HS6ST3: variants seen among roughly 807,000 people sequenced by gnomAD.
HS6ST3 encodes heparan sulfate 6-O-sulfotransferase 3.
HS6ST3 carries 12 observed loss-of-function variants against 36.7 expected under a neutral mutation model. The observed-to-expected ratio is 0.33, with a 90% CI of 0.21 to 0.53. The LOEUF (loss-of-function observed/expected upper bound fraction) is 0.53, where lower values mean the gene tolerates loss of function less well. HS6ST3 is among the 20% of genes least tolerant of loss of function. The pLI, the probability that HS6ST3 is intolerant of heterozygous loss-of-function variation, is 0.95. For missense variants in HS6ST3, 584 were observed against 640.9 expected, an observed-to-expected ratio of 0.91 and a Z score of 0.96; for synonymous variants, 240 against 257.5, an observed-to-expected ratio of 0.93 and a Z score of 0.65.
At chr13:96,730,204 A>G (rs927648487) in intron 1 of HS6ST3, among the ~76,000 whole-genome samples, 3 of 152,208 alleles carry the variant, frequency 2.0e-5, no homozygotes, top group Non-Finnish European at 4.4e-5. Flanking sequence ...GTTGTGGCTC[A>G]AACTGAATCT....
intron 1 of HS6ST3, among the ~76,000 whole-genome samples, chr13:96,360,945 C>CAAA (rs1555300657): frequency 3.8e-5 from 5 of 130,860 alleles, no homozygotes; most frequent in African/African-American, 8.7e-5. Flanking sequence ...GACCCTGTCC[C>CAAA]AAAAAAAAAA....
chr13:96,108,757 T>TA (rs992594518), intron 1 of HS6ST3, among the ~76,000 whole-genome samples: 1 of 151,846 alleles, frequency 6.6e-6, no homozygotes, highest in Non-Finnish European at 1.5e-5. Context: ...GAGCAGAAAA[T>TA]AAAAAATAGG....
In HS6ST3 at chr13:96,414,524, C is replaced by T. The variant is rs117077918; in HGVS notation, c.707+322955C>T. Reference sequence around the variant, plus strand: ...TGTGACAGAGTTTTGCTCTTGTTACCTAGGCTGGAGTGCAGTGGTGTGATC... The same window carrying T: ...TGTGACAGAGTTTTGCTCTTGTTACTTAGGCTGGAGTGCAGTGGTGTGATC... On this transcript the variant is annotated intron_variant, in intron 1 of 1. Transcript: ENST00000376705. 8.0e-3 allele frequency among the ~76,000 whole-genome samples: 1,222 copies of T among 152,226 alleles called. 7 individuals carry two copies. The highest frequency in any genetic ancestry group is 0.013 in the Non-Finnish European group (903 of 68,018).
At chr13:96,529,551 T>C (rs1370664514) in intron 1 of HS6ST3, among the ~76,000 whole-genome samples, 2 of 152,214 alleles carry the variant, frequency 1.3e-5, no homozygotes, top group South Asian at 4.1e-4. Context: ...ATTGCAACCA[T>C]AGTTATCTTA....
At chr13:96,372,632 C>T (rs2055295327) in intron 1 of HS6ST3, among the ~76,000 whole-genome samples, 1 of 152,036 alleles carries the variant, frequency 6.6e-6, no homozygotes, top group South Asian at 2.1e-4. Context: ...ATGTTTAAGG[C>T]TTTAATTAAT....
chr13:96,802,541 A>T (rs569266913), intron 1 of HS6ST3, among the ~76,000 whole-genome samples: 1 of 152,298 alleles, frequency 6.6e-6, no homozygotes, highest in South Asian at 2.1e-4. Flanking sequence ...TGGTACCAAG[A>T]ATGCTTAATT....
chr13:96,392,114 C>T (rs2055398907), intron 1 of HS6ST3, among the ~76,000 whole-genome samples: 1 of 152,198 alleles, frequency 6.6e-6, no homozygotes, highest in Non-Finnish European at 1.5e-5. Context: ...CCCTTTCTGA[C>T]ATTTTTATTA....
chr13:96,495,329 G>GC (rs1243179160), intron 1 of HS6ST3, among the ~76,000 whole-genome samples: 1 of 151,986 alleles, frequency 6.6e-6, no homozygotes, highest in Non-Finnish European at 1.5e-5. Context: ...CTCTCCTTTT[G>GC]TTTTTACTTT....
At chr13:96,676,075 A>C (rs1299136532) in intron 1 of HS6ST3, among the ~76,000 whole-genome samples, 1 of 152,142 alleles carries the variant, frequency 6.6e-6, no homozygotes, top group Non-Finnish European at 1.5e-5. Context: ...GCTTCTTGGA[A>C]CAGGGTCCCT....
intron 1 of HS6ST3, among the ~76,000 whole-genome samples, chr13:96,227,261 T>G (rs530289407): frequency 6.6e-6 from 1 of 152,322 alleles, no homozygotes; most frequent in Admixed American, 6.5e-5. Flanking sequence ...TAACAGCACT[T>G]GTTGAGAGCC....
chr13:96,188,237 G>A (rs1035891717), intron 1 of HS6ST3, among the ~76,000 whole-genome samples: 1 of 152,178 alleles, frequency 6.6e-6, no homozygotes, highest in South Asian at 2.1e-4. Context: ...ATTGGCTATA[G>A]TTTAGTAAGT....
chr13:96,108,885 G>T (rs2053854870), intron 1 of HS6ST3, among the ~76,000 whole-genome samples: 1 of 152,122 alleles, frequency 6.6e-6, no homozygotes, highest in African/African-American at 2.4e-5. Context: ...AGGTGCATGG[G>T]AACTCCAGGA....
rs554503311 is a variant in HS6ST3, at chr13:96,682,172, T to C, written c.708-150318T>C. Among the ~76,000 whole-genome samples the C allele has an allele frequency of 2.0e-5, 3 of 152,300 alleles. No individual in the cohort carries two copies. In the South Asian group the frequency reaches 6.2e-4, roughly 32 times the overall value. On this transcript the variant is annotated intron_variant, in intron 1 of 1. Transcript: ENST00000376705. ...CAGGTCTCAGTCTGGATGTTGAGGA[T>C]GTCTGTCCATATTCAGACCTATATA...
At chr13:96,749,619 A>G (rs1392474353) in intron 1 of HS6ST3, among the ~76,000 whole-genome samples, 1 of 151,846 alleles carries the variant, frequency 6.6e-6, no homozygotes, top group East Asian at 1.9e-4. Context: ...AAGTCAGATA[A>G]ATACATTTTA....
intron 1 of HS6ST3, among the ~76,000 whole-genome samples, chr13:96,237,146 A>G (rs950871307): frequency 3.3e-5 from 5 of 152,192 alleles, no homozygotes; most frequent in African/African-American, 9.6e-5. Context: ...GGTCCCTCCT[A>G]CAACACATGG....
At chr13:96,754,237 T>C (rs1876770119) in intron 1 of HS6ST3, among the ~76,000 whole-genome samples, 1 of 152,222 alleles carries the variant, frequency 6.6e-6, no homozygotes, top group Non-Finnish European at 1.5e-5. Context: ...ATTATTGGCC[T>C]TTCTTCATCA....
At chr13:96,111,633 T>G (rs1200593628) in intron 1 of HS6ST3, among the ~76,000 whole-genome samples, 14 of 152,186 alleles carry the variant, frequency 9.2e-5, no homozygotes, top group Non-Finnish European at 2.1e-4. Flanking sequence ...TCCACAATAG[T>G]TTTGCAGAAG....
chr13:96,432,263 A>G (rs2139475245), intron 1 of HS6ST3, among the ~76,000 whole-genome samples: 1 of 152,304 alleles, frequency 6.6e-6, no homozygotes, highest in South Asian at 2.1e-4. Flanking sequence ...AAATATGCAA[A>G]TTACCTCAGT....
intron 1 of HS6ST3, among the ~76,000 whole-genome samples, chr13:96,469,031 GTCTT>G (rs1275095701): frequency 4.6e-5 from 7 of 151,950 alleles, no homozygotes; most frequent in Admixed American, 2.6e-4. Context: ...TCCATGCTGT[GTCTT>G]TCTTTTGATG....
Sources: allele counts gnomAD v4.1 joint callset (sites outside exome capture counted in the v4.1 genomes callset), GRCh38; gene constraint gnomAD v4.1.1; transcripts MANE v1.5; gene names NCBI Gene and HGNC (gene_info 2026-07-23, HGNC 2026-07-21).